The following ACP6 variants were observed in gnomAD, a reference collection of about 807,000 sequenced individuals.
ACP6 encodes acid phosphatase 6, lysophosphatidic, also known as lysophosphatidic acid phosphatase type 6.
A neutral mutation model predicts 48.1 loss-of-function variants in ACP6; 48 were observed. The observed-to-expected ratio is 1.00, with a 90% CI of 0.79 to 1.27. The LOEUF (loss-of-function observed/expected upper bound fraction) is 1.27, where lower values mean the gene tolerates loss of function less well. Among genes scored for constraint, ACP6 ranks in the 50% most tolerant of loss-of-function variants. The pLI is 0.00. For missense variants in ACP6, 485 were observed against 529.1 expected, an observed-to-expected ratio of 0.92 and a Z score of 0.82; for synonymous variants, 172 against 204.2, an observed-to-expected ratio of 0.84 and a Z score of 1.34.
At position 147,654,269 on chromosome 1, in the gene ACP6, C is replaced by T. The variant is rs782289489; in HGVS notation, c.705G>A (p.Val235=). 3 of 1,614,216 alleles carry T rather than the reference C, an allele frequency of 1.9e-6. No homozygotes were observed. In the South Asian group the frequency reaches 3.3e-5, roughly 18 times the overall value. Residue 235 remains valine (V), a synonymous_variant, in exon 6 of 10, where the codon GTG becomes GTA. Transcript: ENST00000583509. ...QPGISEDLKK[V]KDRMGIDSSD... ...TACTGTCAATGCCCATCCTGTCCTT[C>T]ACCTTTTTCAAATCCTCTGAGATTC...
At chr1:147,638,008 G>A (rs1355298659), downstream of ACP6, among the ~76,000 whole-genome samples, 5 of 152,164 alleles carry the variant, frequency 3.3e-5, no homozygotes, top group Non-Finnish European at 7.3e-5. Flanking sequence ...CTTCCCTGAA[G>A]AACAGCTGAC....
intron 1 of ACP6, among the ~76,000 whole-genome samples, chr1:147,663,621 G>A (rs1431924358): frequency 6.6e-6 from 1 of 151,908 alleles, no homozygotes; most frequent in Non-Finnish European, 1.5e-5. Context: ...GATCAGCCTG[G>A]GCAACACAGC....
At chr1:147,654,485 C>T (rs1384804558) in intron 5 of ACP6, among the ~76,000 whole-genome samples, 159 bp from the exon 6 acceptor site, 1 of 152,190 alleles carries the variant, frequency 6.6e-6, no homozygotes, top group African/African-American at 2.4e-5. Context: ...TAAACTAAGG[C>T]TCTATAAGGT....
intron 1 of ACP6, among the ~76,000 whole-genome samples, chr1:147,660,697 C>T (rs1356746986): frequency 6.6e-6 from 1 of 152,214 alleles, no homozygotes; most frequent in Non-Finnish European, 1.5e-5. Context: ...TCCATCTATC[C>T]ATAGCCAACT....
chr1:147,666,480 A>T (rs982613004), intron 1 of ACP6, among the ~76,000 whole-genome samples: 3 of 152,232 alleles, frequency 2.0e-5, no homozygotes, highest in African/African-American at 7.2e-5. Flanking sequence ...TCCCAGGTGT[A>T]GATTTTAAAA....
intron 1 of ACP6, among the ~76,000 whole-genome samples, chr1:147,666,475 G>A (rs1201132021): frequency 6.6e-6 from 1 of 152,100 alleles, no homozygotes; most frequent in Non-Finnish European, 1.5e-5. Flanking sequence ...AAACCTCCCA[G>A]GTGTAGATTT....
intron 5 of ACP6, among the ~76,000 whole-genome samples, chr1:147,635,595 T>C (rs1371613584): frequency 1.3e-5 from 2 of 152,194 alleles, no homozygotes; most frequent in African/African-American, 4.8e-5. Context: ...GAAGTCCTTG[T>C]TGGGGTTGAG....
At chr1:147,649,451 AT>A (rs781845181) in intron 8 of ACP6, among the ~76,000 whole-genome samples, 3 of 148,076 alleles carry the variant, frequency 2.0e-5, no homozygotes, top group Admixed American at 6.7e-5. Flanking sequence ...TACTTCCAAC[AT>A]TTTTTTTTTT....
chr1:147,649,874 C>A, intron 8 of ACP6: 1 of 487,016 alleles, frequency 2.1e-6, no homozygotes, highest in East Asian at 3.9e-5. Flanking sequence ...AGTGTGACAT[C>A]ATAATTGGCT....
chr1:147,650,029 A>G, intron 8 of ACP6, 114 bp downstream of exon 8: 2 of 822,636 alleles, frequency 2.4e-6, no homozygotes, highest in Non-Finnish European at 3.9e-6. Flanking sequence ...TTAAACATCT[A>G]CCTTCGGTCA....
intron 4 of ACP6, among the ~76,000 whole-genome samples, chr1:147,656,851 A>C (rs1043719156): frequency 2.0e-5 from 3 of 152,246 alleles, no homozygotes; most frequent in Non-Finnish European, 4.4e-5. Context: ...AAAAAGAACA[A>C]TACAAAATAA....
chr1:147,669,842 C>G lies in ACP6; in HGVS notation c.207G>C (p.Pro69=), dbSNP rs1553214323. Residue 69 remains proline (P), a synonymous_variant, in exon 1 of 10, where the codon CCG becomes CCC. Coordinates refer to ENST00000583509, the MANE Select transcript of ACP6 (RefSeq NM_016361.5). The part of the protein sequence containing the change: ...HGARSPLKPL[P]LEEQVEWNPQ... ...GCCGACCTCTCACCTGCTCCTCCAG[C>G]GGGAGCGGCTTGAGAGGACTCCGAG... 1.2e-5 allele frequency: 19 copies of G among 1,592,684 alleles called. No individual in the cohort carries two copies. The highest frequency in any genetic ancestry group is 1.5e-5 in the Non-Finnish European group (18 of 1,168,474).
In ACP6 at chr1:147,650,008, C is replaced by T. The variant is rs181906644; in HGVS notation, c.977+135G>A. 7.4e-6 allele frequency: 5 copies of T among 672,838 alleles called. No homozygotes were observed. In the African/African-American group the frequency reaches 9.5e-5, roughly 13 times the overall value. The allele number at this position is 672,838 out of a possible 1,614,324, so 41.7% of individuals were successfully genotyped here. On this transcript the variant is annotated intron_variant, in intron 8 of 9. Coordinates refer to ENST00000583509, the MANE Select transcript of ACP6 (RefSeq NM_016361.5). ...TAAAAGATTGTGAACCTCTTTGACA[C>T]TTGAGGCCTGTTAAACATCTACCTT...
At position 147,669,884 on chromosome 1, in the gene ACP6, G is replaced by A; in HGVS notation, c.165C>T (p.Val55=). Residue 55 remains valine (V), a synonymous_variant, in exon 1 of 10, where the codon GTC becomes GTT. Coordinates refer to ENST00000583509, the MANE Select transcript of ACP6 (RefSeq NM_016361.5). ...GACTCCGAGCCCCGTGTCGAAACAC[G>A]ACCTGCACCATTTTCAACTTCAGCA... ...RSLLKLKMVQ[V]VFRHGARSPL... The A allele has an allele frequency of 6.2e-7, 1 of 1,602,558 alleles. No individual in the cohort carries two copies. Among genetic ancestry groups the A allele is most frequent in the Non-Finnish European group, 8.5e-7 (1 of 1,175,696 alleles).
Position 147,644,921 on chromosome 1 carries a change from AG to A in ACP6, c.*2501del, listed in dbSNP as rs1659566929. 1 of 152,146 alleles carries A rather than the reference AG, an allele frequency of 6.6e-6. No individual in the cohort carries two copies. Among genetic ancestry groups the A allele is most frequent in the Non-Finnish European group, 1.5e-5 (1 of 68,028 alleles). 9.4% of individuals were successfully genotyped at this position (152,146 alleles called of 1,614,324 possible). On this transcript the variant is annotated 3_prime_UTR_variant, in exon 10 of 10. Coordinates refer to ENST00000583509, the MANE Select transcript of ACP6 (RefSeq NM_016361.5). ...AAATGAGACTGGGATTCACAGGGAA[AG>A]GTCTAGGTTGAAGGTATAAATTTAG...
At position 147,654,308 on chromosome 1, in the gene ACP6, G is replaced by A; in HGVS notation, c.666C>T (p.Ala222=). 3.1e-6 allele frequency: 5 copies of A among 1,614,204 alleles called. No individual in the cohort carries two copies. The South Asian group carries it at 4.4e-5, about 14-fold the overall frequency. The change falls in exon 6 of 10, where the codon GCC becomes GCT. Residue 222 remains alanine (A), a synonymous_variant. Coordinates refer to ENST00000583509, the MANE Select transcript of ACP6 (RefSeq NM_016361.5). ...RQRTRGRRQT[A]SLQPGISEDL... ...CCTCTGAGATTCCTGGCTGTAAAGA[G>A]GCAGTCTGCCTCCGGCCTCTGACAA...
At chr1:147,669,554 G>T (rs1440996660) in intron 1 of ACP6, among the ~76,000 whole-genome samples, 2 of 152,228 alleles carry the variant, frequency 1.3e-5, no homozygotes, top group Non-Finnish European at 1.5e-5. Context: ...CTGCAACGTA[G>T]CAGGATCCCC....
At chr1:147,656,993 T>C (rs1660290246) in intron 4 of ACP6, among the ~76,000 whole-genome samples, 1 of 152,220 alleles carries the variant, frequency 6.6e-6, no homozygotes, top group East Asian at 1.9e-4. Context: ...TGCAAAGCTA[T>C]GCCATTTTAT....
At chr1:147,668,122 CCT>C (rs1355673327) in intron 1 of ACP6, among the ~76,000 whole-genome samples, 3 of 152,126 alleles carry the variant, frequency 2.0e-5, no homozygotes, top group African/African-American at 4.8e-5. Flanking sequence ...TTGGTTCACC[CCT>C]GATTTTCATG....
Sources: allele counts gnomAD v4.1 joint callset (sites outside exome capture counted in the v4.1 genomes callset), GRCh38; gene constraint gnomAD v4.1.1; transcripts MANE v1.5; gene names NCBI Gene and HGNC (gene_info 2026-07-23, HGNC 2026-07-21).